Variants in SEMA3D observed in about 807,000 individuals in gnomAD.
SEMA3D encodes the protein semaphorin 3D, also known as semaphorin-3D.
In SEMA3D, 84 loss-of-function variants were observed where a neutral mutation model predicts 100.1. The observed-to-expected ratio is 0.84, with a 90% CI of 0.70 to 1.01. SEMA3D has a LOEUF of 1.01. SEMA3D is among the 50% of genes least tolerant of loss of function. The pLI is 0.00. For synonymous variants in SEMA3D, 312 were observed against 320.7 expected (o/e 0.97, Z 0.29); for missense variants, 875 against 934.1 (o/e 0.94, Z 0.82).
chr7:85,065,337 AAC>A, intron 8 of SEMA3D, 85 bp downstream of exon 8: 2 of 1,219,952 alleles, frequency 1.6e-6, no homozygotes, highest in Non-Finnish European at 2.3e-6. Flanking sequence ...ATTATTCCAA[AAC>A]ACATTTGAAT....
At chr7:85,049,473 G>A (rs1791100671) in intron 9 of SEMA3D, among the ~76,000 whole-genome samples, 1 of 151,288 alleles carries the variant, frequency 6.6e-6, no homozygotes, top group Admixed American at 6.6e-5. Context: ...GGAATGTTAA[G>A]CAGTCCTTTT....
intron 1 of SEMA3D, among the ~76,000 whole-genome samples, chr7:85,175,714 T>G (rs1489753428): frequency 6.6e-6 from 1 of 152,094 alleles, no homozygotes; most frequent in Non-Finnish European, 1.5e-5. Flanking sequence ...TGCAGGTCAT[T>G]TTTCAGACAG....
intron 2 of SEMA3D, among the ~76,000 whole-genome samples, chr7:85,138,841 G>A (rs965738586): frequency 6.6e-6 from 1 of 150,930 alleles, no homozygotes; most frequent in Non-Finnish European, 1.5e-5. Context: ...GCCCCGATGT[G>A]TGATATTCCC....
At chr7:85,191,327 T>C (rs1021311359), upstream of SEMA3D, among the ~76,000 whole-genome samples, 17 of 152,150 alleles carry the variant, frequency 1.1e-4, no homozygotes, top group Non-Finnish European at 2.4e-4. Context: ...AATGTACTTA[T>C]ATCAATAAAC....
chr7:85,219,043 A>T, the SEMA3D span, among the ~76,000 whole-genome samples: 1 of 152,138 alleles, frequency 6.6e-6, no homozygotes, highest in Non-Finnish European at 1.5e-5. Flanking sequence ...AACCATGATT[A>T]GTTGTAGAAC....
intron 12 of SEMA3D, among the ~76,000 whole-genome samples, chr7:85,033,858 T>TACACACACACAC (rs71082183): frequency 0.038 from 5,314 of 141,114 alleles, 144 homozygotes; most frequent in African/African-American, 0.061. Context: ...ATCACACACA[T>TACACACACACAC]ACACACACAC....
intron 2 of SEMA3D, chr7:85,142,291 T>A (rs555045672): frequency 1.0e-6 from 1 of 979,908 alleles, no homozygotes; most frequent in South Asian, 4.7e-5. Flanking sequence ...ACTGAGAAAG[T>A]ACTTAGTTTT....
intron 4 of SEMA3D, among the ~76,000 whole-genome samples, chr7:85,085,318 A>C (rs563895109): frequency 6.6e-6 from 1 of 152,260 alleles, no homozygotes; most frequent in East Asian, 1.9e-4. Context: ...ACAGGGTTTT[A>C]TTTTTTACTT....
chr7:85,176,085 C>T (rs1791216557), intron 1 of SEMA3D, among the ~76,000 whole-genome samples: 1 of 151,744 alleles, frequency 6.6e-6, no homozygotes, highest in Non-Finnish European at 1.5e-5. Flanking sequence ...AAGAGGTAGA[C>T]AACATGAGTC....
At chr7:85,142,806 T>G in intron 2 of SEMA3D, 2 of 985,144 alleles carry the variant, frequency 2.0e-6, no homozygotes, top group African/African-American at 3.5e-5. Context: ...CTTTTCTCTC[T>G]TCGGCTGGGT....
intron 1 of SEMA3D, among the ~76,000 whole-genome samples, chr7:85,160,215 T>C (rs1163963391): frequency 6.6e-6 from 1 of 151,930 alleles, no homozygotes; most frequent in Non-Finnish European, 1.5e-5. Context: ...TTTTTTACCA[T>C]TGAAGTGTGA....
chr7:85,035,234 C>A (rs1356550952), intron 12 of SEMA3D, among the ~76,000 whole-genome samples: 1 of 150,646 alleles, frequency 6.6e-6, no homozygotes, highest in Non-Finnish European at 1.5e-5. Context: ...ATATATGATA[C>A]ATTTATACAT....
chr7:85,059,854 C>T (rs1791424882), intron 8 of SEMA3D, among the ~76,000 whole-genome samples: 1 of 152,058 alleles, frequency 6.6e-6, no homozygotes, highest in Non-Finnish European at 1.5e-5. Context: ...ATAAATATGG[C>T]AATTCATTGT....
At chr7:85,154,502 C>T (rs1790525137) in intron 1 of SEMA3D, among the ~76,000 whole-genome samples, 1 of 152,074 alleles carries the variant, frequency 6.6e-6, no homozygotes, top group Non-Finnish European at 1.5e-5. Context: ...CTGTTACTTT[C>T]TCTTTCTCTG....
the SEMA3D span, among the ~76,000 whole-genome samples, chr7:85,234,173 G>A: frequency 1.3e-5 from 2 of 152,168 alleles, no homozygotes; most frequent in African/African-American, 4.8e-5. Flanking sequence ...GGTTTTGGAA[G>A]CAGAGTGGGT....
intron 6 of SEMA3D, among the ~76,000 whole-genome samples, chr7:85,069,820 A>T (rs1791723699): frequency 6.6e-6 from 1 of 152,208 alleles, no homozygotes; most frequent in Admixed American, 6.5e-5. Context: ...AAATGATACC[A>T]AGCCAAGCAT....
the SEMA3D span, among the ~76,000 whole-genome samples, chr7:85,248,486 G>A: frequency 6.6e-6 from 1 of 152,112 alleles, no homozygotes; most frequent in Non-Finnish European, 1.5e-5. Context: ...TTTACTCATA[G>A]GAACTGATAA....
intron 7 of SEMA3D, among the ~76,000 whole-genome samples, chr7:85,067,462 T>C (rs1486885778): frequency 6.6e-6 from 1 of 152,278 alleles, no homozygotes; most frequent in South Asian, 2.1e-4. Flanking sequence ...TAAGTGAAAA[T>C]TAAAATGTCA....
chr7:85,201,490 T>C, the SEMA3D span, among the ~76,000 whole-genome samples: 1 of 152,196 alleles, frequency 6.6e-6, no homozygotes, highest in Non-Finnish European at 1.5e-5. Flanking sequence ...GTTCCAGATC[T>C]GACCCTACTC....
Sources: allele counts gnomAD v4.1 joint callset (sites outside exome capture counted in the v4.1 genomes callset), GRCh38; gene constraint gnomAD v4.1.1; transcripts MANE v1.5; gene names NCBI Gene and HGNC (gene_info 2026-07-23, HGNC 2026-07-21).